The following ZNF823 variants were observed in gnomAD, a reference collection of about 807,000 sequenced individuals.
ZNF823 encodes the protein ZFP 36 for a zinc finger protein.
In ZNF823, 5 loss-of-function variants were observed where a neutral mutation model predicts 11.4. The ratio of observed to expected loss-of-function variants is 0.44; its 90% CI spans 0.23 to 0.92. The LOEUF is 0.92. Ranked by LOEUF, ZNF823 falls within the 40% of genes least tolerant of loss-of-function variation. ZNF823 has a pLI of 0.24. For synonymous variants in ZNF823, 234 were observed against 250.5 expected (o/e 0.93, Z 0.62); for missense variants, 582 against 738.5 (o/e 0.79, Z 2.46).
Position 11,722,747 on chromosome 19 carries a change from A to G in ZNF823, c.787T>C (p.Tyr263His). 1 of 1,614,136 alleles carries G rather than the reference A, an allele frequency of 6.2e-7. No homozygotes were observed. Among genetic ancestry groups the G allele is most frequent in the Non-Finnish European group, 8.5e-7 (1 of 1,180,024 alleles). ...CSKAFPDYST[Y>H]LRHERTHTGE... The stretch of plus-strand genomic sequence containing the variant: ...GTGTGAGTTCTCTCATGTCTTAGAT[A>G]GGTACTGTAATCAGGAAAGGCTTTG... Residue 263 changes from tyrosine (Y) to histidine (H), a missense_variant, in exon 4 of 4, where the codon TAT (tyrosine) becomes CAT (histidine). Around this residue, in one of 3 missense-constraint regions of ZNF823, gnomAD observed 429 missense variants for 553.7 expected, o/e 0.77. Coordinates refer to ENST00000341191, the MANE Select transcript of ZNF823 (RefSeq NM_001080493.4). The surrounding 1 kb of genome is among the most constrained non-coding windows in gnomAD (Gnocchi z 5.2).
At chr19:11,731,029 G>A (rs988495303) in intron 1 of ZNF823, among the ~76,000 whole-genome samples, 4 of 145,020 alleles carry the variant, frequency 2.8e-5, no homozygotes, top group South Asian at 2.2e-4. Context: ...AAAACCGCCC[G>A]CAGCCGGGTG....
chr19:11,726,841 C>T (rs9917001), intron 1 of ZNF823, among the ~76,000 whole-genome samples: 8 of 152,102 alleles, frequency 5.3e-5, no homozygotes, highest in Non-Finnish European at 7.3e-5. Context: ...TCACTACTGA[C>T]GGACCCTAGT....
intron 1 of ZNF823, among the ~76,000 whole-genome samples, chr19:11,727,684 A>G (rs908334240): frequency 3.9e-5 from 6 of 152,190 alleles, no homozygotes; most frequent in Admixed American, 3.9e-4. Flanking sequence ...AAAGCAAAAA[A>G]TGGTTGAAAA....
intron 1 of ZNF823, among the ~76,000 whole-genome samples, chr19:11,733,091 G>A (rs116448919): frequency 0.018 from 2,702 of 152,258 alleles, 77 homozygotes; most frequent in African/African-American, 0.062. Context: ...TGACCAAGGC[G>A]GGTGCAGCCG....
At chr19:11,725,533 C>T (rs1049389239) in intron 1 of ZNF823, among the ~76,000 whole-genome samples, 11 of 152,178 alleles carry the variant, frequency 7.2e-5, no homozygotes, top group African/African-American at 2.7e-4. Flanking sequence ...AAGTAACAGT[C>T]GAATAGGAAC....
Position 11,721,748 on chromosome 19 carries a change from G to C in ZNF823, c.1786C>G (p.Arg596Gly). The part of the protein sequence containing the change: ...KECGKALSSL[R>G]SLHRHKRTHW... ...GTCCTTTTATGTCTATGCAAGGAAC[G>C]GAGAGAACTCAATGCTTTCCCACAT... The change falls in exon 4 of 4, where the codon CGT becomes GGT. Residue 596 changes from arginine (R) to glycine (G), a missense_variant. By Grantham distance (125) the Arg-to-Gly change is moderately radical. Around this residue, in one of 3 missense-constraint regions of ZNF823, gnomAD observed 144 missense variants for 154.3 expected, o/e 0.93. Transcript: ENST00000341191. The C allele has an allele frequency of 3.1e-6, 5 of 1,613,940 alleles. No homozygotes were observed. Among genetic ancestry groups the C allele is most frequent in the Non-Finnish European group, 4.2e-6 (5 of 1,179,894 alleles).
intron 1 of ZNF823, among the ~76,000 whole-genome samples, chr19:11,729,203 A>AGGCC (rs1974850592): frequency 6.6e-6 from 1 of 151,924 alleles, no homozygotes; most frequent in Non-Finnish European, 1.5e-5. Flanking sequence ...AAATAAAACA[A>AGGCC]GGCCCAGCAA....
In ZNF823 at chr19:11,721,826, G is replaced by A; in HGVS notation, c.1708C>T (p.Leu570Phe). 1.9e-6 allele frequency: 3 copies of A among 1,609,430 alleles called. No homozygotes were observed. The highest frequency in any genetic ancestry group is 2.7e-5 in the African/African-American group (2 of 73,824). ...CGKAFTRSRF[L>F]RGHEKTHTGE... ...GTGTGAGTTTTTTCATGTCCTCGAA[G>A]GAAACGGGAACGAGTGAAGGCTTTA... The change falls in exon 4 of 4, where the codon CTT becomes TTT. Residue 570 changes from leucine (L) to phenylalanine (F), a missense_variant. By Grantham distance (22) the Leu-to-Phe change is conservative. Transcript: ENST00000341191.
At chr19:11,735,536 G>A (rs1052158278) in intron 1 of ZNF823, among the ~76,000 whole-genome samples, 1 of 152,118 alleles carries the variant, frequency 6.6e-6, no homozygotes, top group Non-Finnish European at 1.5e-5. Context: ...GCTTCTCTCA[G>A]TATAAAAGGC....
chr19:11,738,893 G>A lies in ZNF823; in HGVS notation c.-74C>T. The A allele has an allele frequency of 6.4e-7, 1 of 1,553,646 alleles. No homozygotes were observed. Among genetic ancestry groups the A allele is most frequent in the Non-Finnish European group, 8.7e-7 (1 of 1,148,396 alleles). On this transcript the variant is annotated 5_prime_UTR_variant, in exon 1 of 4. Coordinates refer to ENST00000341191, the MANE Select transcript of ZNF823 (RefSeq NM_001080493.4). ...TCCCAGCGCGACAGACGCTGATACAGACCTTCCAGGGCGTCTCTCTCTCAG... is the reference window on the plus strand; with the variant it reads ...TCCCAGCGCGACAGACGCTGATACAAACCTTCCAGGGCGTCTCTCTCTCAG...
At position 11,725,408 on chromosome 19, in the gene ZNF823, T is replaced by A. The variant is rs1974772872; in HGVS notation, c.4-81A>T. 3 of 1,577,222 alleles carry A rather than the reference T, an allele frequency of 1.9e-6. No individual in the cohort carries two copies. The East Asian group carries it at 6.8e-5, about 36-fold the overall frequency. On this transcript the variant is annotated intron_variant, in intron 1 of 3. Coordinates refer to ENST00000341191, the MANE Select transcript of ZNF823 (RefSeq NM_001080493.4). ...CCATACTCACTGCATAAACTTTGCATGATGCTGTGGTTTCCAAGCATTTAT... is the reference window on the plus strand; with the variant it reads ...CCATACTCACTGCATAAACTTTGCAAGATGCTGTGGTTTCCAAGCATTTAT...
chr19:11,724,763 T>C (rs553410041), intron 2 of ZNF823, among the ~76,000 whole-genome samples: 1 of 151,832 alleles, frequency 6.6e-6, no homozygotes. Context: ...GGTTTCACCA[T>C]GTTAGCCAGG....
At chr19:11,724,387 G>C (rs1412799511) in intron 2 of ZNF823, 133 bp from the exon 3 acceptor site, 8 of 739,534 alleles carry the variant, frequency 1.1e-5, no homozygotes, top group Non-Finnish European at 1.5e-5. Flanking sequence ...ACACAGGTTT[G>C]AACTGCACAG....
In ZNF823 at chr19:11,722,647, C is replaced by T; in HGVS notation, c.887G>A (p.Arg296Lys). 2 of 1,613,942 alleles carry T rather than the reference C, an allele frequency of 1.2e-6. No homozygotes were observed. The highest frequency in any genetic ancestry group is 2.2e-5 in the South Asian group (2 of 91,058). Residue 296 changes from arginine (R) to lysine (K), a missense_variant, in exon 4 of 4, where the codon AGG becomes AAG. Transcript: ENST00000341191. The surrounding 1 kb of genome is among the most constrained non-coding windows in gnomAD (Gnocchi z 5.2). ...SCYYYTRLHERTHTGEQPYAC... is the reference protein window; with the variant it reads ...SCYYYTRLHEKTHTGEQPYAC... ...ATAGGGTTGTTCTCCCGTGTGAGTCCTTTCATGTAGTCGAGTGTAATAGTA... is the reference window on the plus strand; with the variant it reads ...ATAGGGTTGTTCTCCCGTGTGAGTCTTTTCATGTAGTCGAGTGTAATAGTA...
At chr19:11,727,632 C>T (rs1974815771) in intron 1 of ZNF823, among the ~76,000 whole-genome samples, 1 of 152,164 alleles carries the variant, frequency 6.6e-6, no homozygotes, top group Admixed American at 6.6e-5. Flanking sequence ...TAATATTCGG[C>T]ATCCTATACT....
At chr19:11,727,727 A>G (rs948488999) in intron 1 of ZNF823, among the ~76,000 whole-genome samples, 5 of 152,146 alleles carry the variant, frequency 3.3e-5, no homozygotes, top group Non-Finnish European at 5.9e-5. Context: ...CCTTGTCCCA[A>G]TCCCTCCTCA....
chr19:11,723,596 A>C (rs1332752685), intron 3 of ZNF823, among the ~76,000 whole-genome samples: 4 of 152,036 alleles, frequency 2.6e-5, no homozygotes, highest in African/African-American at 9.7e-5. Context: ...CCCAGGTTGG[A>C]GTGCAATGGC....
At chr19:11,732,835 C>T (rs965489912) in intron 1 of ZNF823, among the ~76,000 whole-genome samples, 5 of 152,196 alleles carry the variant, frequency 3.3e-5, no homozygotes, top group Admixed American at 6.5e-5. Context: ...AACTTAATTT[C>T]TAGCCTCCCT....
chr19:11,735,834 A>G (rs1974983428), intron 1 of ZNF823, among the ~76,000 whole-genome samples: 1 of 152,192 alleles, frequency 6.6e-6, no homozygotes, highest in African/African-American at 2.4e-5. Context: ...ACGCATCTAT[A>G]TTTTATAGCT....
Sources: gnomAD v4.1 joint callset for allele counts (sites outside exome capture counted in the v4.1 genomes callset) on GRCh38, gnomAD v4.1.1 for gene constraint, gnomAD v4.1.1 regional missense constraint, Gnocchi (gnomAD v3.1) non-coding constraint, MANE v1.5 for transcripts, NCBI Gene and HGNC (gene_info 2026-07-23, HGNC 2026-07-21) for gene names.